Variants in HELQ observed in about 807,000 individuals in gnomAD.
HELQ encodes the protein helicase POLQ-like.
Under a neutral mutation model 111.6 loss-of-function variants are expected in HELQ, and 77 were observed. The observed-to-expected ratio is 0.69, with a 90% CI of 0.57 to 0.83. The LOEUF (loss-of-function observed/expected upper bound fraction) is 0.83, where lower values mean the gene tolerates loss of function less well. HELQ is among the 40% of genes least tolerant of loss of function. The probability of loss-of-function intolerance (pLI) is 0.00; values close to 1 mark genes in which losing one functional copy is unlikely to be tolerated. For synonymous variants in HELQ, 438 were observed against 454.7 expected (o/e 0.96, Z 0.47); for missense variants, 1,200 against 1,288.5 (o/e 0.93, Z 1.05).
chr4:83,451,765 T>C (rs750364232), intron 2 of HELQ, among the ~76,000 whole-genome samples: 15 of 152,288 alleles, frequency 9.8e-5, no homozygotes, highest in Non-Finnish European at 1.9e-4. Context: ...AGCAAGGTGC[T>C]AGCAGAAAAA....
chr4:83,453,892 G>T lies in HELQ; in HGVS notation c.351C>A (p.Asn117Lys). 6.2e-7 allele frequency: 1 copy of T among 1,613,906 alleles called. No homozygotes were observed. The highest frequency in any genetic ancestry group is 1.3e-5 in the African/African-American group (1 of 75,006). Residue 117 changes from asparagine to lysine, a missense_variant, in exon 2 of 18, where the codon AAC becomes AAA. Asn to Lys is a moderately conservative substitution (Grantham distance 94, BLOSUM62 0). Around this residue, in one of 3 missense-constraint regions of HELQ, gnomAD observed 610 missense variants for 607.1 expected, o/e 1.00. Coordinates refer to ENST00000295488, the MANE Select transcript of HELQ (RefSeq NM_133636.5). ...MFGDYDSFTE[N>K]SFIAQVDDLE... ...GGTCGTCAACTTGAGCTATAAAGGA[G>T]TTTTCAGTAAAGCTATCATAGTCAC...
At chr4:83,416,260 C>CG (rs1739353700) in intron 17 of HELQ, among the ~76,000 whole-genome samples, 1 of 148,800 alleles carries the variant, frequency 6.7e-6, no homozygotes, top group South Asian at 2.1e-4. Flanking sequence ...TTTTTTGGGG[C>CG]GGGGGGACAG....
At chr4:83,423,997 GA>G (rs1374861178) in intron 14 of HELQ, among the ~76,000 whole-genome samples, 3 of 151,968 alleles carry the variant, frequency 2.0e-5, no homozygotes, top group Admixed American at 1.3e-4. Flanking sequence ...TCAATGTGGA[GA>G]AATCAATTAG....
chr4:83,451,729 TATTC>T, intron 2 of HELQ, among the ~76,000 whole-genome samples: 2 of 151,674 alleles, frequency 1.3e-5, no homozygotes, highest in South Asian at 4.2e-4. Context: ...GTCCTCAGGA[TATTC>T]ATTCTGGCAG....
At position 83,448,681 on chromosome 4, in the gene HELQ, AAAAG is replaced by A; in HGVS notation, c.1191+98_1191+101del. 7.6e-6 allele frequency: 8 copies of A among 1,056,174 alleles called. No individual in the cohort carries two copies. The African/African-American group carries it at 8.2e-5, about 11-fold the overall frequency. The allele number at this position is 1,056,174 out of a possible 1,614,324, so 65.4% of individuals were successfully genotyped here. A position where few individuals can be genotyped will look rare whatever the true frequency, so the allele number is the denominator to read the frequency against. On this transcript the variant is annotated intron_variant, in intron 3 of 17. Coordinates refer to ENST00000295488, the MANE Select transcript of HELQ (RefSeq NM_133636.5). ...CAAGACTCCATCTCAAAAAAAAAAA[AAAAG>A]AGGTACTTCTCAACAATACAAAGTT...
rs998672501 is a variant in HELQ at position 83,421,732 on chromosome 4, A to G, written c.2780T>C (p.Val927Ala). ...TAGCCTGTTGACAACGTTCTTGTCC[A>G]CCTTCTAGAAAGACACAATCAAATA... The part of the protein sequence containing the change: ...KASGQAIGKK[V>A]DKNVVNRLYL... The change falls in exon 15 of 18, where the codon GTG (valine) becomes GCG (alanine). Residue 927 changes from valine to alanine, a missense_variant. Physicochemically the swap from Val to Ala is moderately conservative, Grantham distance 64. This residue lies in a region of HELQ where 585 missense variants were observed against 665.3 expected (regional missense o/e 0.88). Coordinates refer to ENST00000295488, the MANE Select transcript of HELQ (RefSeq NM_133636.5). The G allele has an allele frequency of 6.2e-7, 1 of 1,611,770 alleles. No individual in the cohort carries two copies. The highest frequency in any genetic ancestry group is 1.3e-5 in the African/African-American group (1 of 74,846).
At chr4:83,429,017 T>C (rs914370254) in intron 12 of HELQ, among the ~76,000 whole-genome samples, 46 of 152,052 alleles carry the variant, frequency 3.0e-4, no homozygotes, top group Non-Finnish European at 1.3e-4. Flanking sequence ...TTATTCTCTA[T>C]ATACTTCTGC....
chr4:83,453,140 T>C lies in HELQ; in HGVS notation c.1012+91A>G, dbSNP rs747421547. ...TTTGTTTTCAAAATGAGAAACAGTATGGACCATGAAAGCATTTGCTTCTAT... is the reference window on the plus strand; with the variant it reads ...TTTGTTTTCAAAATGAGAAACAGTACGGACCATGAAAGCATTTGCTTCTAT... On this transcript the variant is annotated intron_variant, in intron 2 of 17. Transcript: ENST00000295488. The C allele has an allele frequency of 3.1e-4, 221 of 715,968 alleles. 1 individual carries two copies. Among genetic ancestry groups the C allele is most frequent in the Admixed American group, 1.2e-3 (42 of 35,800 alleles). The allele number at this position is 715,968 out of a possible 1,614,324, so 44.4% of individuals were successfully genotyped here.
At chr4:83,426,816 T>C (rs1248148056) in intron 13 of HELQ, among the ~76,000 whole-genome samples, 1 of 152,178 alleles carries the variant, frequency 6.6e-6, no homozygotes, top group Admixed American at 6.5e-5. Flanking sequence ...TCCTCCCACC[T>C]TGGCCTCCCA....
Position 83,455,544 on chromosome 4 carries a change from G to A in HELQ, c.150C>T (p.Asn50=), listed in dbSNP as rs150006112. Residue 50 remains asparagine, a synonymous_variant, in exon 1 of 18, where the codon AAC becomes AAT. Transcript: ENST00000295488. ...GKEEEEMVAE[N]RRRKTAGVLP... is the part of the protein sequence containing the mutation. ...GTACGCCCGCGGTTTTCCGCCTCCT[G>A]TTCTCAGCCACCATTTCCTCCTCCT... 2,237 of 1,613,704 alleles carry A rather than the reference G, an allele frequency of 1.4e-3. 6 individuals carry two copies. The highest frequency in any genetic ancestry group is 2.4e-3 in the Admixed American group (145 of 60,006).
chr4:83,425,893 A>T, intron 14 of HELQ, 101 bp downstream of exon 14: 1 of 607,728 alleles, frequency 1.6e-6, no homozygotes, highest in South Asian at 2.9e-5. Context: ...TGTAAACCAA[A>T]AAAGATCAAT....
chr4:83,409,553 CAAAAAAA>C (rs34988490), intron 17 of HELQ, among the ~76,000 whole-genome samples: 1 of 143,570 alleles, frequency 7.0e-6, no homozygotes, highest in African/African-American at 2.5e-5. Flanking sequence ...TACTCTGTCT[CAAAAAAA>C]AAAAGAGAAA....
chr4:83,431,625 C>T (rs1410824658), intron 11 of HELQ, 39 bp downstream of exon 11: 1 of 1,023,720 alleles, frequency 9.8e-7, no homozygotes. Context: ...TCTATTGTCT[C>T]AGATAACAGT....
chr4:83,450,232 A>T (rs1395782570), intron 2 of HELQ, among the ~76,000 whole-genome samples: 1 of 117,058 alleles, frequency 8.5e-6, no homozygotes, highest in African/African-American at 6.4e-5. Context: ...TAAAAAAAAA[A>T]AAAAAAAAAA....
chr4:83,443,650 G>A, intron 5 of HELQ, 36 bp from the exon 6 acceptor site: 1 of 919,718 alleles, frequency 1.1e-6, no homozygotes. Flanking sequence ...AAGTGTTAAG[G>A]AAAATATGTT....
At position 83,429,746 on chromosome 4, in the gene HELQ, T is replaced by G. The variant is rs1279487344; in HGVS notation, c.2296A>C (p.Ile766Leu). ...TAGATGTCATCAAGATTCGTTGCAA[T>G]CTGAAACAATTCAGGATATCATTGG... ...TLFLSLIGLK[I>L]ATNLDDIYHF... The change falls in exon 12 of 18, where the codon ATT becomes CTT. Residue 766 changes from isoleucine (I) to leucine (L), a missense_variant and splice_region_variant. Ile to Leu is a conservative substitution (Grantham distance 5). Transcript: ENST00000295488. The G allele has an allele frequency of 6.3e-7, 1 of 1,597,750 alleles. No individual in the cohort carries two copies. The highest frequency in any genetic ancestry group is 1.3e-5 in the African/African-American group (1 of 74,450).
intron 9 of HELQ, among the ~76,000 whole-genome samples, chr4:83,436,482 C>T (rs143885959): frequency 4.1e-4 from 63 of 152,156 alleles, no homozygotes; most frequent in African/African-American, 1.4e-3. Context: ...CACAAATTGC[C>T]TATGGATCAG....
In HELQ at chr4:83,443,552, G is replaced by C. The variant is rs1252391314; in HGVS notation, c.1528C>G (p.Leu510Val). 1 of 1,589,790 alleles carries C rather than the reference G, an allele frequency of 6.3e-7. No homozygotes were observed. Among genetic ancestry groups the C allele is most frequent in the Non-Finnish European group, 8.6e-7 (1 of 1,160,150 alleles). ...LNNVEDLQKF[L>V]QAEYYTSQFR... ...TGACTGGTATAATATTCTGCTTGAAGAAACTTTTGTAGGTCTTCAACATTG... is the reference window on the plus strand; with the variant it reads ...TGACTGGTATAATATTCTGCTTGAACAAACTTTTGTAGGTCTTCAACATTG... Residue 510 changes from leucine to valine, a missense_variant, in exon 6 of 18, where the codon CTT (leucine) becomes GTT (valine). Transcript: ENST00000295488.
intron 12 of HELQ, among the ~76,000 whole-genome samples, chr4:83,428,318 T>C (rs1039080217): frequency 6.6e-6 from 1 of 152,084 alleles, no homozygotes; most frequent in Non-Finnish European, 1.5e-5. Flanking sequence ...TTAGGTTTTT[T>C]TTTTTTAACA....
Sources: gnomAD v4.1 joint callset for allele counts (sites outside exome capture counted in the v4.1 genomes callset) on GRCh38, gnomAD v4.1.1 for gene constraint, gnomAD v4.1.1 regional missense constraint, MANE v1.5 for transcripts, NCBI Gene and HGNC (gene_info 2026-07-23, HGNC 2026-07-21) for gene names.